Variants in EEF1AKMT1 observed in about 807,000 individuals in gnomAD.
EEF1AKMT1 encodes the protein N-6 adenine-specific DNA methyltransferase 2 (putative).
A neutral mutation model predicts 21.0 loss-of-function variants in EEF1AKMT1; 18 were observed. The ratio of observed to expected loss-of-function variants is 0.86; its 90% CI spans 0.59 to 1.27. The LOEUF is 1.27. EEF1AKMT1 is among the 50% of genes most tolerant of loss of function. The probability of loss-of-function intolerance (pLI) is 0.00; values close to 1 mark genes in which losing one functional copy is unlikely to be tolerated. For missense variants in EEF1AKMT1, 246 were observed against 258.6 expected, an observed-to-expected ratio of 0.95 and a Z score of 0.33; for synonymous variants, 109 against 94.8, an observed-to-expected ratio of 1.15 and a Z score of -0.87.
chr13:20,771,586 C>G (rs1444869420), intron 1 of EEF1AKMT1, among the ~76,000 whole-genome samples: 1 of 152,114 alleles, frequency 6.6e-6, no homozygotes, highest in Non-Finnish European at 1.5e-5. Context: ...AATGGAGGAA[C>G]ACATGGAGAG....
At position 20,728,806 on chromosome 13, in the gene EEF1AKMT1, T is replaced by C; in HGVS notation, c.*274A>G. Reference sequence around the variant, plus strand: ...GCAAGCCACACAACTGTTCTTCTGTTTTTACACATGTTAAATGAGGAGAGA... The same window carrying C: ...GCAAGCCACACAACTGTTCTTCTGTCTTTACACATGTTAAATGAGGAGAGA... On this transcript the variant is annotated 3_prime_UTR_variant, in exon 5 of 5. Transcript: ENST00000382758. The C allele has an allele frequency of 2.2e-6, 1 of 446,246 alleles. No homozygotes were observed. The highest frequency in any genetic ancestry group is 4.1e-6 in the Non-Finnish European group (1 of 242,984). The allele number at this position is 446,246 out of a possible 1,614,324, so 27.6% of individuals were successfully genotyped here. A position where few individuals can be genotyped will look rare whatever the true frequency, so the allele number is the denominator to read the frequency against.
intron 1 of EEF1AKMT1, among the ~76,000 whole-genome samples, chr13:20,772,075 T>C (rs1005461544): frequency 9.2e-5 from 14 of 152,114 alleles, no homozygotes; most frequent in African/African-American, 3.4e-4. Flanking sequence ...TATTTTATCA[T>C]ATCTTTATTG....
chr13:20,733,675 A>G (rs369992739), intron 3 of EEF1AKMT1, among the ~76,000 whole-genome samples: 4 of 152,160 alleles, frequency 2.6e-5, no homozygotes, highest in African/African-American at 9.7e-5. Context: ...TGTACAGGTG[A>G]CCTCTAGAAG....
At chr13:20,757,767 C>A in intron 1 of EEF1AKMT1, 150 bp from the exon 2 acceptor site, 2 of 645,224 alleles carry the variant, frequency 3.1e-6, no homozygotes, top group Non-Finnish European at 5.1e-6. Flanking sequence ...AGCCCCCCAG[C>A]CAACTGAATA....
At chr13:20,765,557 C>T (rs905748997) in intron 1 of EEF1AKMT1, among the ~76,000 whole-genome samples, 4 of 151,652 alleles carry the variant, frequency 2.6e-5, no homozygotes, top group Admixed American at 1.3e-4. Context: ...CGATTACAAG[C>T]GCCGGCCACC....
intron 3 of EEF1AKMT1, among the ~76,000 whole-genome samples, chr13:20,736,925 G>A (rs913822340): frequency 2.4e-4 from 37 of 151,366 alleles, no homozygotes; most frequent in South Asian, 1.3e-3. Context: ...ATAGAGAAAG[G>A]GTTTCACCAT....
intron 2 of EEF1AKMT1, among the ~76,000 whole-genome samples, chr13:20,739,356 C>A (rs71426028): frequency 6.6e-6 from 1 of 152,156 alleles, no homozygotes; most frequent in Non-Finnish European, 1.5e-5. Context: ...GGGTTGCCGC[C>A]GCTAAGCAGG....
intron 2 of EEF1AKMT1, among the ~76,000 whole-genome samples, chr13:20,740,028 G>C (rs2058860351): frequency 6.6e-6 from 1 of 152,268 alleles, no homozygotes; most frequent in Non-Finnish European, 1.5e-5. Flanking sequence ...CCCATGGTGG[G>C]GGAGGAGGCT....
chr13:20,762,175 CTTTT>C (rs57340074), intron 1 of EEF1AKMT1, among the ~76,000 whole-genome samples: 246 of 131,306 alleles, frequency 1.9e-3, no homozygotes, highest in Admixed American at 2.6e-3. Context: ...TTTCATCAGT[CTTTT>C]TTTTTTTTTT....
intron 2 of EEF1AKMT1, among the ~76,000 whole-genome samples, chr13:20,752,032 AG>A (rs1460406878): frequency 1.3e-5 from 2 of 152,132 alleles, no homozygotes; most frequent in Non-Finnish European, 2.9e-5. Context: ...AAGATCTAAA[AG>A]TTTTTTCCTG....
chr13:20,756,825 C>G (rs1293845056), intron 2 of EEF1AKMT1, among the ~76,000 whole-genome samples: 1 of 152,108 alleles, frequency 6.6e-6, no homozygotes, highest in African/African-American at 2.4e-5. Context: ...TTGAGTGGTG[C>G]CTTCACCTTT....
intron 1 of EEF1AKMT1, 185 bp downstream of exon 1, chr13:20,773,736 C>G (rs1308640052): frequency 2.0e-5 from 3 of 152,556 alleles, no homozygotes; most frequent in African/African-American, 7.2e-5. Context: ...CAACCAGGAT[C>G]CACTCTCAGG....
chr13:20,759,751 T>A (rs1346539336), intron 1 of EEF1AKMT1, among the ~76,000 whole-genome samples: 2 of 151,680 alleles, frequency 1.3e-5, no homozygotes, highest in African/African-American at 4.8e-5. Context: ...ATCAGAGAAG[T>A]GCAAATTAAA....
At chr13:20,773,738 ACT>A (rs965997292) in intron 1 of EEF1AKMT1, 181 bp downstream of exon 1, 1 of 152,220 alleles carries the variant, frequency 6.6e-6, no homozygotes, top group African/African-American at 2.4e-5. Flanking sequence ...ACCAGGATCC[ACT>A]CTCAGGCCGG....
At chr13:20,730,405 G>A (rs1306815656) in intron 4 of EEF1AKMT1, among the ~76,000 whole-genome samples, 4 of 152,208 alleles carry the variant, frequency 2.6e-5, no homozygotes, top group East Asian at 1.9e-4. Context: ...AGCGCGGCCC[G>A]GAGGGACTGG....
chr13:20,739,258 C>T (rs758782122), intron 2 of EEF1AKMT1, among the ~76,000 whole-genome samples: 5 of 152,150 alleles, frequency 3.3e-5, no homozygotes, highest in South Asian at 4.1e-4. Flanking sequence ...CTCATAAAGG[C>T]AACGCAGACC....
At chr13:20,732,383 G>A (rs1234133746) in intron 3 of EEF1AKMT1, among the ~76,000 whole-genome samples, 4 of 152,162 alleles carry the variant, frequency 2.6e-5, no homozygotes, top group Non-Finnish European at 5.9e-5. Context: ...CAAGGCTGGA[G>A]GGAAGTGGCG....
At chr13:20,742,189 C>T (rs899939800) in intron 2 of EEF1AKMT1, among the ~76,000 whole-genome samples, 1 of 152,158 alleles carries the variant, frequency 6.6e-6, no homozygotes, top group Non-Finnish European at 1.5e-5. Flanking sequence ...TGACTACTAA[C>T]ATTTTACTCT....
intron 2 of EEF1AKMT1, among the ~76,000 whole-genome samples, chr13:20,752,844 G>A (rs1263394037): frequency 6.6e-6 from 1 of 150,996 alleles, no homozygotes; most frequent in Non-Finnish European, 1.5e-5. Flanking sequence ...TTTTTTCTTG[G>A]TTAGTCTAGC....
Sources: allele counts gnomAD v4.1 joint callset (sites outside exome capture counted in the v4.1 genomes callset), GRCh38; gene constraint gnomAD v4.1.1; transcripts MANE v1.5; gene names NCBI Gene and HGNC (gene_info 2026-07-23, HGNC 2026-07-21).